Variants in FBXO30 observed in about 807,000 individuals in gnomAD.
The protein encoded by FBXO30 is F-box protein 30, also known as F-box only protein 30.
Under a neutral mutation model 58.1 loss-of-function variants are expected in FBXO30, and 21 were observed. That is an observed-to-expected ratio of 0.36 (90% CI 0.26 to 0.52). The LOEUF (loss-of-function observed/expected upper bound fraction) is 0.52, where lower values mean the gene tolerates loss of function less well. FBXO30 is among the 20% of genes least tolerant of loss of function. The pLI, the probability that FBXO30 is intolerant of heterozygous loss-of-function variation, is 0.93. For missense variants in FBXO30, 744 were observed against 897.3 expected, an observed-to-expected ratio of 0.83 and a Z score of 2.18; for synonymous variants, 309 against 312.4, an observed-to-expected ratio of 0.99 and a Z score of 0.11.
At position 145,804,355 on chromosome 6, in the gene FBXO30, G is replaced by C. The variant is rs751496914; in HGVS notation, c.2034+17C>G. On this transcript the variant is annotated intron_variant, in intron 2 of 2. Coordinates refer to ENST00000237281, the MANE Select transcript of FBXO30 (RefSeq NM_032145.5). ...TCCTCTTTATGTCAAATAAGAGGTT[G>C]TAAAGATTACACTAACCTTTTCTTT... 6.3e-7 allele frequency: 1 copy of C among 1,589,126 alleles called. No individual in the cohort carries two copies. The highest frequency in any genetic ancestry group is 1.1e-5 in the South Asian group (1 of 87,700).
chr6:145,812,822 AC>A, intron 1 of FBXO30, among the ~76,000 whole-genome samples: 1 of 152,200 alleles, frequency 6.6e-6, no homozygotes, highest in African/African-American at 2.4e-5. Context: ...TATAGAAGCA[AC>A]TTGTCTAAGG....
rs527794437 is a variant in FBXO30, at chr6:145,812,157, T to C, written c.-17+2446A>G. ...TCTTTTATTAAACTTTCGTTCTTTT[T>C]ATTTATAAAATGGATGACCTAATTA... On this transcript the variant is annotated intron_variant, in intron 1 of 2. Coordinates refer to ENST00000237281, the MANE Select transcript of FBXO30 (RefSeq NM_032145.5). Among the ~76,000 whole-genome samples the C allele has an allele frequency of 8.5e-4, 130 of 152,338 alleles. 1 individual carries two copies. Among genetic ancestry groups the C allele is most frequent in the African/African-American group, 3.0e-3 (124 of 41,592 alleles).
At chr6:145,811,356 C>CG (rs1778329153) in intron 1 of FBXO30, among the ~76,000 whole-genome samples, 1 of 152,120 alleles carries the variant, frequency 6.6e-6, no homozygotes, top group Admixed American at 6.5e-5. Flanking sequence ...GGTGCTCAAA[C>CG]ACATGTTAAG....
At chr6:145,807,483 G>T (rs751801539) in intron 1 of FBXO30, among the ~76,000 whole-genome samples, 1 of 152,182 alleles carries the variant, frequency 6.6e-6, no homozygotes, top group Non-Finnish European at 1.5e-5. Context: ...AAAATGCCAG[G>T]TATCTGTAAG....
rs1271239691 is a variant in FBXO30 at position 145,796,170 on chromosome 6, T to C, written c.*3936A>G. 1.3e-5 allele frequency: 2 copies of C among 152,004 alleles called. No individual in the cohort carries two copies. Among genetic ancestry groups the C allele is most frequent in the African/African-American group, 4.8e-5 (2 of 41,438 alleles). 9.4% of individuals were successfully genotyped at this position (152,004 alleles called of 1,614,324 possible). A position where few individuals can be genotyped will look rare whatever the true frequency, so the allele number is the denominator to read the frequency against. ...ATTTTCTCATCCATAAAATTCAAAT[T>C]TGAAAGGTTTTATCTCTTGATCTCA... On this transcript the variant is annotated 3_prime_UTR_variant, in exon 3 of 3. Transcript: ENST00000237281.
At chr6:145,813,292 A>AT (rs1222411883) in intron 1 of FBXO30, among the ~76,000 whole-genome samples, 2 of 151,964 alleles carry the variant, frequency 1.3e-5, no homozygotes, top group Non-Finnish European at 1.5e-5. Context: ...CTCTTACAGC[A>AT]TTCACGAAAC....
rs1204801386 is a variant in FBXO30 at position 145,805,622 on chromosome 6, C to T, written c.784G>A (p.Glu262Lys). 2 of 1,614,062 alleles carry T rather than the reference C, an allele frequency of 1.2e-6. No individual in the cohort carries two copies. Among genetic ancestry groups the T allele is most frequent in the Admixed American group, 1.7e-5 (1 of 60,008 alleles). The change falls in exon 2 of 3, where the codon GAA (glutamate) becomes AAA (lysine). Residue 262 changes from glutamate to lysine, a missense_variant. Transcript: ENST00000237281. The stretch of plus-strand genomic sequence containing the variant: ...AATAAATCACTTGAACCATTTTGTT[C>T]AGACTGGGCATTCTGATTTGTGTCA... ...YNDTNQNAQS[E>K]QNGSSDLLCD...
In FBXO30 at chr6:145,806,517, T is replaced by G; in HGVS notation, c.-16-96A>C. ...TTAAATCACTAATTTATCTAATATC[T>G]TGGTTTATTTTAGGATGACATATAT... On this transcript the variant is annotated intron_variant, in intron 1 of 2. Transcript: ENST00000237281. 3.3e-6 allele frequency: 3 copies of G among 896,750 alleles called. No homozygotes were observed. The Admixed American group carries it at 7.8e-5, about 23-fold the overall frequency. The allele number at this position is 896,750 out of a possible 1,614,324, so 55.5% of individuals were successfully genotyped here.
At chr6:145,807,456 T>C (rs963197411) in intron 1 of FBXO30, among the ~76,000 whole-genome samples, 7 of 152,170 alleles carry the variant, frequency 4.6e-5, no homozygotes, top group African/African-American at 1.7e-4. Flanking sequence ...TTCCCTAGTA[T>C]TGTTGGATCA....
Position 145,804,504 on chromosome 6 carries a change from A to C in FBXO30, c.1902T>G (p.Cys634Trp). 1 of 1,613,822 alleles carries C rather than the reference A, an allele frequency of 6.2e-7. No individual in the cohort carries two copies. Among genetic ancestry groups the C allele is most frequent in the Non-Finnish European group, 8.5e-7 (1 of 1,179,812 alleles). Residue 634 changes from cysteine (C) to tryptophan (W), a missense_variant, in exon 2 of 3, where the codon TGT (cysteine) becomes TGG (tryptophan). Around this residue, in one of 3 missense-constraint regions of FBXO30, gnomAD observed 334 missense variants for 433.7 expected, o/e 0.77. Transcript: ENST00000237281. ...TTAACTTGGATACACATGAGAGCTG[A>C]CATAAGCTGAAGCCATCGAGAAAGC... is the stretch of plus-strand genomic sequence containing the variant. ...IAGFLDGFSL[C>W]QLSCVSKLMR...
At chr6:145,811,664 G>C (rs989071674) in intron 1 of FBXO30, among the ~76,000 whole-genome samples, 1 of 152,196 alleles carries the variant, frequency 6.6e-6, no homozygotes, top group African/African-American at 2.4e-5. Flanking sequence ...AGTGAGAAAA[G>C]TAAGTTTAAA....
At position 145,805,915 on chromosome 6, in the gene FBXO30, T is replaced by G. The variant is rs556155273; in HGVS notation, c.491A>C (p.Glu164Ala). 4 of 1,614,090 alleles carry G rather than the reference T, an allele frequency of 2.5e-6. No individual in the cohort carries two copies. The Admixed American group carries it at 6.7e-5, about 27-fold the overall frequency. The change falls in exon 2 of 3, where the codon GAA becomes GCA. Residue 164 changes from glutamate (E) to alanine (A), a missense_variant. Physicochemically the swap from Glu to Ala is moderately radical, Grantham distance 107. Transcript: ENST00000237281. ...CACTAAACCATTAGCATGTGGTATTTCTGGGACACTTGATTTAACTGAGAT... is the reference window on the plus strand; with the variant it reads ...CACTAAACCATTAGCATGTGGTATTGCTGGGACACTTGATTTAACTGAGAT... ...EQISVKSSVP[E>A]IPHANGLVSV...
At position 145,806,271 on chromosome 6, in the gene FBXO30, T is replaced by C. The variant is rs374597800; in HGVS notation, c.135A>G (p.Lys45=). 5.0e-6 allele frequency: 8 copies of C among 1,613,914 alleles called. No homozygotes were observed. The African/African-American group carries it at 1.1e-4, about 22-fold the overall frequency. The change falls in exon 2 of 3, where the codon AAA becomes AAG. Residue 45 remains lysine, a synonymous_variant. Transcript: ENST00000237281. ...LVCGAVFHSC[K]ADEHRLLCPF... The stretch of plus-strand genomic sequence containing the variant: ...GACATAAAAGTCGATGCTCATCAGC[T>C]TTACAAGAATGGAAAACTGCACCAC...
chr6:145,802,295 G>A (rs1022837350), intron 2 of FBXO30, among the ~76,000 whole-genome samples: 4 of 152,080 alleles, frequency 2.6e-5, no homozygotes, highest in Non-Finnish European at 5.9e-5. Context: ...TCACAAGATC[G>A]AGAAACCGGC....
At position 145,794,987 on chromosome 6, in the gene FBXO30, C is replaced by A. The variant is rs546186894; in HGVS notation, c.*5119G>T. 1.4e-3 allele frequency: 207 copies of A among 151,772 alleles called. No homozygotes were observed. Among genetic ancestry groups the A allele is most frequent in the African/African-American group, 4.9e-3 (203 of 41,490 alleles). 9.4% of individuals were successfully genotyped at this position (151,772 alleles called of 1,614,324 possible). A position where few individuals can be genotyped will look rare whatever the true frequency, so the allele number is the denominator to read the frequency against. ...AAAAAAATTCTAGGACAGCAGAATGCAGGACCCCTTTTTTTCAATTTCAAT... is the reference window on the plus strand; with the variant it reads ...AAAAAAATTCTAGGACAGCAGAATGAAGGACCCCTTTTTTTCAATTTCAAT... On this transcript the variant is annotated 3_prime_UTR_variant, in exon 3 of 3. Transcript: ENST00000237281.
intron 2 of FBXO30, among the ~76,000 whole-genome samples, chr6:145,803,051 G>A (rs1778053458): frequency 6.6e-6 from 1 of 152,034 alleles, no homozygotes; most frequent in Non-Finnish European, 1.5e-5. Flanking sequence ...TGTATATAGT[G>A]GTTGGGAGTT....
At chr6:145,802,103 T>A (rs1165115276) in intron 2 of FBXO30, among the ~76,000 whole-genome samples, 1 of 152,128 alleles carries the variant, frequency 6.6e-6, no homozygotes, top group African/African-American at 2.4e-5. Context: ...ATTTACAGTC[T>A]AGTGACTGAA....
At position 145,796,646 on chromosome 6, in the gene FBXO30, A is replaced by ATTTGAATAAC. The variant is rs1777872128; in HGVS notation, c.*3450_*3459dup. On this transcript the variant is annotated 3_prime_UTR_variant, in exon 3 of 3. Coordinates refer to ENST00000237281, the MANE Select transcript of FBXO30 (RefSeq NM_032145.5). ...GCATGAAACAAACACATTTTAAAAT[A>ATTTGAATAAC]TTTGAATAACTTTTCCTTAGGAAAT... is the stretch of plus-strand genomic sequence containing the variant. 1.3e-5 allele frequency: 2 copies of ATTTGAATAAC among 152,048 alleles called. No homozygotes were observed. Among genetic ancestry groups the ATTTGAATAAC allele is most frequent in the South Asian group, 4.1e-4 (2 of 4,836 alleles). The allele number at this position is 152,048 out of a possible 1,614,324, so 9.4% of individuals were successfully genotyped here.
In FBXO30 at chr6:145,806,240, C is replaced by T. The variant is rs376435027; in HGVS notation, c.166G>A (p.Glu56Lys). 6 of 1,614,048 alleles carry T rather than the reference C, an allele frequency of 3.7e-6. No homozygotes were observed. Among genetic ancestry groups the T allele is most frequent in the Non-Finnish European group, 5.1e-6 (6 of 1,179,970 alleles). The change falls in exon 2 of 3, where the codon GAA becomes AAA. Residue 56 changes from glutamate to lysine, a missense_variant. By Grantham distance (56) the Glu-to-Lys change is moderately conservative. Around this residue, in one of 3 missense-constraint regions of FBXO30, gnomAD observed 135 missense variants for 201.6 expected, o/e 0.67. Transcript: ENST00000237281. Reference protein sequence around the residue: ...ADEHRLLCPFERVPCLNSDFG... With the variant: ...ADEHRLLCPFKRVPCLNSDFG... ...TCACTATTTAAGCAAGGCACTCGTTCAAATGGACATAAAAGTCGATGCTCA... is the reference window on the plus strand; with the variant it reads ...TCACTATTTAAGCAAGGCACTCGTTTAAATGGACATAAAAGTCGATGCTCA...
Sources: gnomAD v4.1 joint callset for allele counts (sites outside exome capture counted in the v4.1 genomes callset) on GRCh38, gnomAD v4.1.1 for gene constraint, gnomAD v4.1.1 regional missense constraint, MANE v1.5 for transcripts, NCBI Gene and HGNC (gene_info 2026-07-23, HGNC 2026-07-21) for gene names.